The following PPP2R1B variants were observed in gnomAD, a reference collection of about 807,000 sequenced individuals.
The protein encoded by PPP2R1B is serine/threonine-protein phosphatase 2A 65 kDa regulatory subunit A beta isoform.
A neutral mutation model predicts 72.7 loss-of-function variants in PPP2R1B; 58 were observed. The observed-to-expected ratio is 0.80, with a 90% CI of 0.65 to 0.99. The LOEUF is 0.99. Ranked by LOEUF, PPP2R1B falls within the 50% of genes least tolerant of loss-of-function variation. The pLI, the probability that PPP2R1B is intolerant of heterozygous loss-of-function variation, is 0.00. For missense variants in PPP2R1B, 695 were observed against 733.6 expected (o/e 0.95, Z 0.61); for synonymous variants, 256 against 264.6 (o/e 0.97, Z 0.32).
Position 111,738,574 on chromosome 11 carries a change from A to G in PPP2R1B, c.*3022T>C. ...AAAGGTCAGGCTGCCGTCTCTGTTG[A>G]GTCAGGACAAGTTGTCTGGCAAAGA... On this transcript the variant is annotated 3_prime_UTR_variant, in exon 15 of 15. Transcript: ENST00000527614. 1.0e-6 allele frequency: 1 copy of G among 985,486 alleles called. No homozygotes were observed. The highest frequency in any genetic ancestry group is 1.2e-6 in the Non-Finnish European group (1 of 829,954). 61.0% of individuals were successfully genotyped at this position (985,486 alleles called of 1,614,324 possible). A position where few individuals can be genotyped will look rare whatever the true frequency, so the allele number is the denominator to read the frequency against.
chr11:111,712,588 C>G, the PPP2R1B span, among the ~76,000 whole-genome samples: 1 of 152,202 alleles, frequency 6.6e-6, no homozygotes, highest in Non-Finnish European at 1.5e-5. Flanking sequence ...CGTAATTTGT[C>G]AGACCTCGTG....
intron 3 of PPP2R1B, 155 bp from the exon 4 acceptor site, chr11:111,761,206 T>C (rs1339549680): frequency 2.6e-6 from 2 of 757,724 alleles, no homozygotes; most frequent in East Asian, 5.4e-5. Flanking sequence ...CACACAGTGA[T>C]AACATATGGT....
chr11:111,760,213 C>A (rs1337708508), intron 4 of PPP2R1B, among the ~76,000 whole-genome samples: 1 of 152,196 alleles, frequency 6.6e-6, no homozygotes. Flanking sequence ...GAATTGAAAG[C>A]AGACTGGGCA....
At chr11:111,711,914 A>T in the PPP2R1B span, among the ~76,000 whole-genome samples, 1 of 152,268 alleles carries the variant, frequency 6.6e-6, no homozygotes. Flanking sequence ...TGAACGAGGA[A>T]CATTCTTGAT....
chr11:111,694,291 A>G, the PPP2R1B span, among the ~76,000 whole-genome samples: 1 of 152,108 alleles, frequency 6.6e-6, no homozygotes, highest in Non-Finnish European at 1.5e-5. Flanking sequence ...GACCAAGGAA[A>G]GTTTTTCACA....
chr11:111,703,483 A>G, the PPP2R1B span: 2 of 1,476,428 alleles, frequency 1.4e-6, no homozygotes, highest in African/African-American at 2.8e-5. Flanking sequence ...TTTCATGCTC[A>G]CACCTGTCAT....
the PPP2R1B span, chr11:111,712,231 A>G: frequency 1.2e-6 from 2 of 1,614,094 alleles, no homozygotes; most frequent in Non-Finnish European, 1.7e-6. Flanking sequence ...TGGGGCTCCC[A>G]GTGACCATGC....
At chr11:111,690,605 C>G in the PPP2R1B span, among the ~76,000 whole-genome samples, 1 of 148,282 alleles carries the variant, frequency 6.7e-6, no homozygotes, top group East Asian at 2.0e-4. Flanking sequence ...GGCTCTCCCT[C>G]CCCGCCTCCC....
intron 11 of PPP2R1B, among the ~76,000 whole-genome samples, chr11:111,746,487 G>A (rs891823254): frequency 6.6e-6 from 1 of 152,126 alleles, no homozygotes; most frequent in African/African-American, 2.4e-5. Context: ...GGTGAGGGGC[G>A]AGGGGAGGGA....
At chr11:111,729,191 C>T (rs1944097139) in intron 15 of PPP2R1B, 1 of 152,172 alleles carries the variant, frequency 6.6e-6, no homozygotes, top group Admixed American at 6.5e-5. Flanking sequence ...GACAGCCATC[C>T]TACGTGCACC....
chr11:111,753,741 C>T (rs1555048721), intron 8 of PPP2R1B, among the ~76,000 whole-genome samples, 164 bp from the exon 9 acceptor site: 1 of 151,940 alleles, frequency 6.6e-6, no homozygotes, highest in Non-Finnish European at 1.5e-5. Context: ...CTTCAGCCTC[C>T]AGAGTAGCTG....
the PPP2R1B span, among the ~76,000 whole-genome samples, chr11:111,692,269 T>G: frequency 9.8e-5 from 14 of 142,146 alleles, no homozygotes; most frequent in African/African-American, 3.7e-4. Context: ...GAGAATTGCT[T>G]GAACCCAGGA....
chr11:111,741,945 G>T, intron 14 of PPP2R1B, 108 bp downstream of exon 14: 1 of 1,007,546 alleles, frequency 9.9e-7, no homozygotes, highest in Non-Finnish European at 1.6e-6. Context: ...TACCCTCCCT[G>T]TTTCCCATAA....
At chr11:111,725,089 G>A (rs1310614841), downstream of PPP2R1B, 1 of 152,594 alleles carries the variant, frequency 6.6e-6, no homozygotes, top group African/African-American at 2.4e-5. Context: ...TTGTATATTT[G>A]GACAGTTTCA....
chr11:111,694,103 T>G, the PPP2R1B span, among the ~76,000 whole-genome samples: 1 of 152,208 alleles, frequency 6.6e-6, no homozygotes, highest in Non-Finnish European at 1.5e-5. Flanking sequence ...AATAAATTGT[T>G]AGATAAAGCT....
intron 5 of PPP2R1B, among the ~76,000 whole-genome samples, chr11:111,757,977 G>C (rs1945186090): frequency 6.6e-6 from 1 of 152,000 alleles, no homozygotes; most frequent in Non-Finnish European, 1.5e-5. Flanking sequence ...AGGAGATCTT[G>C]ATTCCTCTCC....
Position 111,743,509 on chromosome 11 carries a change from G to A in PPP2R1B, c.1421C>T (p.Ala474Val). The A allele has an allele frequency of 6.2e-7, 1 of 1,613,590 alleles. No homozygotes were observed. The highest frequency in any genetic ancestry group is 1.1e-5 in the South Asian group (1 of 90,980). ...VDHVYAIREA[A>V]TNNLMKLVQK... is the part of the protein sequence containing the mutation. Reference sequence around the variant, plus strand: ...AACTAGTTTCATGAGGTTGTTGGTGGCAGCTTCTCGGATGGCGTATACTGC... The same window carrying A: ...AACTAGTTTCATGAGGTTGTTGGTGACAGCTTCTCGGATGGCGTATACTGC... The change falls in exon 12 of 15, where the codon GCC (alanine) becomes GTC (valine). Residue 474 changes from alanine to valine, a missense_variant. Transcript: ENST00000527614.
the PPP2R1B span, among the ~76,000 whole-genome samples, chr11:111,700,553 T>C: frequency 6.6e-5 from 10 of 152,216 alleles, no homozygotes; most frequent in Admixed American, 5.9e-4. Flanking sequence ...CATCAGGTAA[T>C]TGAAATTCTA....
downstream of PPP2R1B, among the ~76,000 whole-genome samples, chr11:111,735,943 C>T (rs1446319935): frequency 2.0e-5 from 3 of 152,210 alleles, no homozygotes; most frequent in Admixed American, 2.0e-4. Context: ...ATCTCACCCT[C>T]GGGTCATTTT....
Sources: allele counts gnomAD v4.1 joint callset (sites outside exome capture counted in the v4.1 genomes callset), GRCh38; gene constraint gnomAD v4.1.1; transcripts MANE v1.5; gene names NCBI Gene and HGNC (gene_info 2026-07-23, HGNC 2026-07-21).